Variants in AMMECR1 observed in about 807,000 individuals in gnomAD.
AMMECR1 encodes the protein nuclear protein AMMECR1.
Under a neutral mutation model 22.5 loss-of-function variants are expected in AMMECR1, and 3 were observed. That is an observed-to-expected ratio of 0.13 (90% confidence interval 0.06 to 0.35). AMMECR1 has a LOEUF of 0.35. AMMECR1 is among the 10% of genes least tolerant of loss of function. The probability of loss-of-function intolerance (pLI) is 1.00; values close to 1 mark genes in which losing one functional copy is unlikely to be tolerated. For synonymous variants in AMMECR1, 130 were observed against 116.7 expected (o/e 1.11, Z -0.74); for missense variants, 235 against 278.7 (o/e 0.84, Z 1.12).
chrX:110,378,008 C>CAAAAAAAAAAAAAA (rs755483656), intron 2 of AMMECR1, among the ~76,000 whole-genome samples: 16 of 30,946 alleles, frequency 5.2e-4, no homozygotes, highest in African/African-American at 2.1e-3. Context: ...GACTCCGTCT[C>CAAAAAAAAAAAAAA]AAAAAAAAAA....
intron 2 of AMMECR1, among the ~76,000 whole-genome samples, chrX:110,235,310 T>C (rs1468679132): frequency 8.9e-6 from 1 of 111,950 alleles, no homozygotes; most frequent in Non-Finnish European, 1.9e-5. Flanking sequence ...AGAATGGCAA[T>C]CATTAAAAAG....
chrX:110,365,046 G>A (rs958039417), intron 2 of AMMECR1, among the ~76,000 whole-genome samples: 1 of 111,538 alleles, frequency 9.0e-6, no homozygotes, highest in African/African-American at 3.3e-5. Context: ...TCTTTGCAGG[G>A]GAATTGCCCT....
rs183047386 is a variant in AMMECR1, at chrX:110,210,122, G to C, written c.699+6396C>G. ...TTGTATGCATTAAATCACCTTCTAA[G>C]AAGTTACTTTACTTTGTACAGCTTG... On this transcript the variant is annotated intron_variant, in intron 3 of 5. Transcript: ENST00000262844. 3.9e-3 allele frequency among the ~76,000 whole-genome samples: 431 copies of C among 110,506 alleles called. 2 individuals are homozygous for C. Among genetic ancestry groups the C allele is most frequent in the African/African-American group, 0.014 (414 of 30,403 alleles).
At chrX:110,308,535 G>A (rs187186664) in intron 1 of AMMECR1, among the ~76,000 whole-genome samples, 9 of 110,987 alleles carry the variant, frequency 8.1e-5, no homozygotes, top group East Asian at 2.8e-4. Context: ...CATTAGTGTC[G>A]GAAAAATAGA....
At chrX:110,415,624 A>G (rs1385146317) in intron 2 of AMMECR1, among the ~76,000 whole-genome samples, 1 of 111,244 alleles carries the variant, frequency 9.0e-6, no homozygotes, top group Non-Finnish European at 1.9e-5. Context: ...TCAGGTTTGC[A>G]TGGTCAGGAA....
intron 2 of AMMECR1, among the ~76,000 whole-genome samples, chrX:110,381,163 A>G (rs1418210013): frequency 2.7e-5 from 3 of 112,300 alleles, no homozygotes; most frequent in Non-Finnish European, 5.6e-5. Flanking sequence ...AGAACTGGAT[A>G]AAATATTCAT....
At chrX:110,370,383 A>G (rs1427035642) in intron 2 of AMMECR1, among the ~76,000 whole-genome samples, 2 of 110,282 alleles carry the variant, frequency 1.8e-5, no homozygotes, top group South Asian at 3.9e-4. Context: ...TAATTTTTGT[A>G]TTTTTAGTAG....
intron 3 of AMMECR1, among the ~76,000 whole-genome samples, chrX:110,211,967 C>T (rs2067449967): frequency 8.9e-6 from 1 of 111,762 alleles, no homozygotes; most frequent in Non-Finnish European, 1.9e-5. Flanking sequence ...GGAAATAGAA[C>T]ATATGGAAGC....
At chrX:110,289,373 C>A (rs2067896531) in intron 1 of AMMECR1, among the ~76,000 whole-genome samples, 1 of 111,243 alleles carries the variant, frequency 9.0e-6, no homozygotes, top group Admixed American at 9.6e-5. Context: ...ATTAGGATCC[C>A]CCACAGAAGC....
At chrX:110,276,465 T>C (rs930502715) in intron 1 of AMMECR1, among the ~76,000 whole-genome samples, 2 of 112,227 alleles carry the variant, frequency 1.8e-5, no homozygotes, top group Non-Finnish European at 3.8e-5. Context: ...TTGTTGAGTG[T>C]TTGGAATTTG....
intron 3 of AMMECR1, among the ~76,000 whole-genome samples, chrX:110,214,740 C>T (rs1220713343): frequency 9.0e-6 from 1 of 111,495 alleles, no homozygotes; most frequent in Non-Finnish European, 1.9e-5. Flanking sequence ...CAGAAACACA[C>T]ATGCCAGAAC....
intron 1 of AMMECR1, among the ~76,000 whole-genome samples, chrX:110,313,617 C>A (rs2068034300): frequency 8.9e-6 from 1 of 111,976 alleles, no homozygotes; most frequent in South Asian, 3.7e-4. Flanking sequence ...TTATTAAAAT[C>A]AATATAATTC....
intron 1 of AMMECR1, among the ~76,000 whole-genome samples, chrX:110,299,874 T>A (rs1267711617): frequency 8.9e-6 from 1 of 112,409 alleles, no homozygotes; most frequent in Non-Finnish European, 1.9e-5. Context: ...ATGGCAGGAT[T>A]CCCTTCTTTT....
intron 3 of AMMECR1, among the ~76,000 whole-genome samples, chrX:110,207,640 A>T (rs2067428189): frequency 8.9e-6 from 1 of 111,734 alleles, no homozygotes; most frequent in African/African-American, 3.3e-5. Flanking sequence ...CAATTTGAAA[A>T]GCAATTCTGG....
At chrX:110,428,308 A>G (rs1429127199) in intron 1 of AMMECR1, among the ~76,000 whole-genome samples, 1 of 111,921 alleles carries the variant, frequency 8.9e-6, no homozygotes, top group African/African-American at 3.3e-5. Flanking sequence ...ACACAGGGCT[A>G]TCAGGCTGCC....
At chrX:110,311,834 A>G (rs993246856) in intron 1 of AMMECR1, among the ~76,000 whole-genome samples, 4 of 112,039 alleles carry the variant, frequency 3.6e-5, no homozygotes, top group African/African-American at 1.3e-4. Flanking sequence ...CACCTACACA[A>G]CCACTGGTTT....
chrX:110,324,267 G>T (rs1162989977), intron 2 of AMMECR1, among the ~76,000 whole-genome samples: 2 of 111,391 alleles, frequency 1.8e-5, no homozygotes, highest in African/African-American at 6.5e-5. Flanking sequence ...AAAGTGCTGG[G>T]ATTACAGGCG....
intron 2 of AMMECR1, among the ~76,000 whole-genome samples, chrX:110,372,466 A>G (rs995478072): frequency 8.9e-6 from 1 of 111,921 alleles, no homozygotes; most frequent in Admixed American, 9.5e-5. Context: ...TTGTGTACAT[A>G]AAATGTAGAC....
chrX:110,358,057 A>G (rs1198066232), intron 2 of AMMECR1, among the ~76,000 whole-genome samples: 1 of 112,202 alleles, frequency 8.9e-6, no homozygotes, highest in African/African-American at 3.2e-5. Context: ...TATCAGAAGA[A>G]TTATATTTAA....
Sources: gnomAD v4.1 joint callset for allele counts (sites outside exome capture counted in the v4.1 genomes callset) on GRCh38, gnomAD v4.1.1 for gene constraint, MANE v1.5 for transcripts, NCBI Gene and HGNC (gene_info 2026-07-23, HGNC 2026-07-21) for gene names.